The following DHX29 variants were observed in gnomAD, a reference collection of about 807,000 sequenced individuals.
DHX29 encodes the protein DExH-box helicase 29.
DHX29 carries 79 observed loss-of-function variants against 167.9 expected under a neutral mutation model. The ratio of observed to expected loss-of-function variants is 0.47; its 90% CI spans 0.39 to 0.57. The LOEUF (loss-of-function observed/expected upper bound fraction) is 0.57. Ranked by LOEUF, DHX29 falls within the 20% of genes least tolerant of loss-of-function variation. The pLI, the probability that DHX29 is intolerant of heterozygous loss-of-function variation, is 0.00. For synonymous variants in DHX29, 530 were observed against 546.0 expected (o/e 0.97, Z 0.41); for missense variants, 1,347 against 1,593.4 (o/e 0.85, Z 2.63).
chr5:55,304,309 CTTTTT>C (rs397882409), intron 1 of DHX29, among the ~76,000 whole-genome samples: 23 of 112,650 alleles, frequency 2.0e-4, no homozygotes, highest in African/African-American at 8.8e-4. Context: ...TCAAATGTCA[CTTTTT>C]TTTTTTTTTT....
chr5:55,273,724 G>A (rs540249885), intron 16 of DHX29, among the ~76,000 whole-genome samples: 45 of 152,176 alleles, frequency 3.0e-4, no homozygotes, highest in African/African-American at 7.9e-4. Context: ...AGTTTTGCAC[G>A]ATTTAGCGGG....
intron 17 of DHX29, 45 bp from the exon 18 acceptor site, chr5:55,272,220 A>T: frequency 8.8e-7 from 1 of 1,138,664 alleles, no homozygotes; most frequent in Non-Finnish European, 1.3e-6. Context: ...TACTTTCATG[A>T]ATGTATCATT....
Position 55,290,327 on chromosome 5 carries a change from A to T in DHX29, c.798T>A (p.His266Gln). The change falls in exon 7 of 27, where the codon CAT becomes CAA. Residue 266 changes from histidine (H) to glutamine (Q), a missense_variant. By Grantham distance (24) the His-to-Gln change is conservative. Around this residue, in one of 3 missense-constraint regions of DHX29, gnomAD observed 405 missense variants for 416.8 expected, o/e 0.97. Coordinates refer to ENST00000251636, the MANE Select transcript of DHX29 (RefSeq NM_019030.4). Reference protein sequence around the residue: ...EKFDPNERYLHLAAKLLDAKE... With the variant: ...EKFDPNERYLQLAAKLLDAKE... ...TTGCATCCAGCAGTTTTGCTGCAAGATGTAAGTACCTTTCATTCTGTTCCA... is the reference window on the plus strand; with the variant it reads ...TTGCATCCAGCAGTTTTGCTGCAAGTTGTAAGTACCTTTCATTCTGTTCCA... The T allele has an allele frequency of 1.2e-6, 2 of 1,606,272 alleles. No individual in the cohort carries two copies. Among genetic ancestry groups the T allele is most frequent in the Non-Finnish European group, 1.7e-6 (2 of 1,178,252 alleles).
Position 55,269,540 on chromosome 5 carries a change from A to T in DHX29, c.3167T>A (p.Ile1056Asn), listed in dbSNP as rs764121900. The T allele has an allele frequency of 6.2e-7, 1 of 1,613,936 alleles. No homozygotes were observed. Among genetic ancestry groups the T allele is most frequent in the Non-Finnish European group, 8.5e-7 (1 of 1,180,018 alleles). The change falls in exon 21 of 27, where the codon ATT becomes AAT. Residue 1056 changes from isoleucine to asparagine, a missense_variant. Around this residue, in one of 3 missense-constraint regions of DHX29, gnomAD observed 882 missense variants for 1,082.4 expected, o/e 0.81. Coordinates refer to ENST00000251636, the MANE Select transcript of DHX29 (RefSeq NM_019030.4). ...AGGCTCATTTAATTCACAAGCTCCA[A>T]TTTTTCGGAGCAAATTCATTGCATT... ...ISNAMNLLRKIGACELNEPKL... is the reference protein window; with the variant it reads ...ISNAMNLLRKNGACELNEPKL...
chr5:55,276,134 T>C (rs1032574836), intron 14 of DHX29, 132 bp downstream of exon 14: 1 of 725,658 alleles, frequency 1.4e-6, no homozygotes, highest in Admixed American at 3.5e-5. Flanking sequence ...AATTTGTTCA[T>C]TCTCAGATCT....
chr5:55,272,023 G>T, intron 18 of DHX29, 64 bp downstream of exon 18: 1 of 937,620 alleles, frequency 1.1e-6, no homozygotes, highest in Non-Finnish European at 1.6e-6. Context: ...TTTCTCCCAA[G>T]AATTCAAGAG....
At position 55,289,300 on chromosome 5, in the gene DHX29, T is replaced by C. The variant is rs147734409; in HGVS notation, c.1036A>G (p.Lys346Glu). The C allele has an allele frequency of 5.1e-6, 8 of 1,578,988 alleles. No individual in the cohort carries two copies. Among genetic ancestry groups the C allele is most frequent in the Non-Finnish European group, 6.8e-6 (8 of 1,168,362 alleles). ...TCTTCTTCAGTAGCAGCTGCAGATT[T>C]TTCAAATAAATTAAAATTCAATGCA... Reference protein sequence around the residue: ...ESALNFNLFEKSAAATEEEKD... With the variant: ...ESALNFNLFEESAAATEEEKD... The change falls in exon 8 of 27, where the codon AAA (lysine) becomes GAA (glutamate). Residue 346 changes from lysine to glutamate, a missense_variant. Coordinates refer to ENST00000251636, the MANE Select transcript of DHX29 (RefSeq NM_019030.4).
intron 1 of DHX29, among the ~76,000 whole-genome samples, chr5:55,307,084 T>C (rs1167903870): frequency 1.3e-5 from 2 of 152,190 alleles, no homozygotes; most frequent in East Asian, 3.8e-4. Flanking sequence ...GCTGAGATGG[T>C]GCTCAGGATG....
intron 25 of DHX29, among the ~76,000 whole-genome samples, chr5:55,260,237 AT>A (rs568062298): frequency 2.7e-4 from 40 of 147,430 alleles, no homozygotes; most frequent in Admixed American, 4.7e-4. Context: ...GGGGAGGGAA[AT>A]TTTTTTTTTT....
Position 55,262,629 on chromosome 5 carries a change from C to A in DHX29, c.3828+1G>T, listed in dbSNP as rs1746361958. On this transcript the variant is annotated splice_donor_variant, in intron 24 of 26. Coordinates refer to ENST00000251636, the MANE Select transcript of DHX29 (RefSeq NM_019030.4). LOFTEE classifies it high-confidence loss of function. ...CTGGAATTTAGGAATGAGTACTTCA[C>A]CTTCTCCTGGTATAAGAGCCATCCA... 1 of 1,613,568 alleles carries A rather than the reference C, an allele frequency of 6.2e-7. No homozygotes were observed. The highest frequency in any genetic ancestry group is 8.5e-7 in the Non-Finnish European group (1 of 1,179,638).
In DHX29 at chr5:55,297,272, G is replaced by A; in HGVS notation, c.375+13C>T. The A allele has an allele frequency of 2.2e-6, 3 of 1,347,196 alleles. No individual in the cohort carries two copies. The highest frequency in any genetic ancestry group is 3.2e-6 in the Non-Finnish European group (3 of 942,916). 83.5% of individuals were successfully genotyped at this position (1,347,196 alleles called of 1,614,324 possible). On this transcript the variant is annotated intron_variant, in intron 3 of 26. Coordinates refer to ENST00000251636, the MANE Select transcript of DHX29 (RefSeq NM_019030.4). The stretch of plus-strand genomic sequence containing the variant: ...CACTAAAACTAAGGAACTTTAAAAA[G>A]TTTGCAAAATACCTGCAATTTTTTG...
chr5:55,302,207 AAC>A (rs1748640119), intron 1 of DHX29, among the ~76,000 whole-genome samples: 1 of 152,170 alleles, frequency 6.6e-6, no homozygotes, highest in African/African-American at 2.4e-5. Context: ...AGTAGTCTTT[AAC>A]TATTTCTGGG....
rs113106763 is a variant in DHX29 at position 55,258,044 on chromosome 5, G to C, written c.4058-1504C>G. On this transcript the variant is annotated intron_variant, in intron 26 of 26. Coordinates refer to ENST00000251636, the MANE Select transcript of DHX29 (RefSeq NM_019030.4). ...ATAAACACAGAGTATGAGGCTTCAG[G>C]GTAGTAGAACTAGATCAGTAGCTCC... Among the ~76,000 whole-genome samples the C allele has an allele frequency of 5.4e-3, 821 of 152,170 alleles. 3 individuals carry two copies. The highest frequency in any genetic ancestry group is 0.019 in the African/African-American group (792 of 41,496).
intron 21 of DHX29, among the ~76,000 whole-genome samples, chr5:55,268,605 AT>A (rs539478706): frequency 2.0e-5 from 3 of 151,588 alleles, no homozygotes; most frequent in Admixed American, 2.0e-4. Flanking sequence ...TTTAATCTTA[AT>A]TTTTTTGCAG....
chr5:55,304,409 T>C (rs948067652), intron 1 of DHX29, among the ~76,000 whole-genome samples: 6 of 151,324 alleles, frequency 4.0e-5, no homozygotes, highest in Non-Finnish European at 4.4e-5. Flanking sequence ...CCTCCCGGGT[T>C]CACGCCATTC....
rs762849540 is a variant in DHX29, at chr5:55,276,217, A to T, written c.2427+49T>A. The T allele has an allele frequency of 1.7e-5, 22 of 1,265,760 alleles. No individual in the cohort carries two copies. In the Admixed American group the frequency reaches 2.5e-4, roughly 15 times the overall value. 78.4% of individuals were successfully genotyped at this position (1,265,760 alleles called of 1,614,324 possible). ...GATTTTGAAACTCTTGTGGCAGGTTAGGCCCTGGATATCATTATCTGATAT... is the reference window on the plus strand; with the variant it reads ...GATTTTGAAACTCTTGTGGCAGGTTTGGCCCTGGATATCATTATCTGATAT... On this transcript the variant is annotated intron_variant, in intron 14 of 26. Coordinates refer to ENST00000251636, the MANE Select transcript of DHX29 (RefSeq NM_019030.4).
At position 55,272,043 on chromosome 5, in the gene DHX29, C is replaced by G. The variant is rs780997613; in HGVS notation, c.2864+44G>C. 2.5e-6 allele frequency: 3 copies of G among 1,197,338 alleles called. No individual in the cohort carries two copies. In the African/African-American group the frequency reaches 4.7e-5, roughly 19 times the overall value. 74.2% of individuals were successfully genotyped at this position (1,197,338 alleles called of 1,614,324 possible). On this transcript the variant is annotated intron_variant, in intron 18 of 26. Transcript: ENST00000251636. ...CCCAAGAATTCAAGAGCCCCAACCT[C>G]TTTCCAGGTTAAAAATGTTTTGATT...
chr5:55,304,025 T>G (rs1369404425), intron 1 of DHX29, among the ~76,000 whole-genome samples: 1 of 152,184 alleles, frequency 6.6e-6, no homozygotes, highest in Non-Finnish European at 1.5e-5. Flanking sequence ...AAAACTTAAA[T>G]TACTGAACCT....
chr5:55,307,420 C>A lies in DHX29; in HGVS notation c.154G>T (p.Ala52Ser). 2.5e-6 allele frequency: 4 copies of A among 1,612,160 alleles called. No individual in the cohort carries two copies. Among genetic ancestry groups the A allele is most frequent in the Non-Finnish European group, 3.4e-6 (4 of 1,179,612 alleles). ...ACACGGGGCTCCCTGGAGCCGGCAG[C>A]GGCAGCGGCAGCGGTGGCCGGCCTG... ...VSRPATAAAA[A>S]AGSREPRVKQ... is the part of the protein sequence containing the mutation. The change falls in exon 1 of 27, where the codon GCT becomes TCT. Residue 52 changes from alanine to serine, a missense_variant. Ala to Ser is a moderately conservative substitution (Grantham distance 99). Coordinates refer to ENST00000251636, the MANE Select transcript of DHX29 (RefSeq NM_019030.4).
Sources: allele counts gnomAD v4.1 joint callset (sites outside exome capture counted in the v4.1 genomes callset), GRCh38; gene constraint gnomAD v4.1.1; regional missense constraint gnomAD v4.1.1; transcripts MANE v1.5; gene names NCBI Gene and HGNC (gene_info 2026-07-23, HGNC 2026-07-21).